Variants in ALPK2 observed in about 807,000 individuals in gnomAD.
ALPK2 encodes the protein alpha kinase 2, also known as alpha-protein kinase 2.
In ALPK2, 127 loss-of-function variants were observed where a neutral mutation model predicts 163.1. That is an observed-to-expected ratio of 0.78 (90% CI 0.67 to 0.90). ALPK2 has a LOEUF of 0.90. Among genes scored for constraint, ALPK2 ranks in the 40% least tolerant of loss-of-function variants. ALPK2 has a pLI of 0.00. For missense variants in ALPK2, 2,360 were observed against 2,589.6 expected (o/e 0.91, Z 1.92); for synonymous variants, 953 against 959.1 (o/e 0.99, Z 0.12).
chr18:58,569,014 G>A (rs1225485294), intron 4 of ALPK2, among the ~76,000 whole-genome samples: 1 of 152,126 alleles, frequency 6.6e-6, no homozygotes. Context: ...AGGAGTTCGA[G>A]ACCATCCTGG....
At chr18:58,520,227 C>T (rs1011318656) in intron 8 of ALPK2, among the ~76,000 whole-genome samples, 4 of 151,498 alleles carry the variant, frequency 2.6e-5, no homozygotes, top group African/African-American at 7.3e-5. Context: ...CAGGAGTTCC[C>T]GACCAGCCTG....
chr18:58,510,904 C>G (rs1362513778), intron 10 of ALPK2, among the ~76,000 whole-genome samples: 1 of 152,140 alleles, frequency 6.6e-6, no homozygotes, highest in East Asian at 1.9e-4. Context: ...TTGCCCTGGC[C>G]AAAACTTCCA....
intron 10 of ALPK2, chr18:58,511,461 C>A: frequency 6.6e-6 from 1 of 152,380 alleles, no homozygotes. Flanking sequence ...CAGGTCCTGC[C>A]CTGCTCACTT....
intron 3 of ALPK2, among the ~76,000 whole-genome samples, chr18:58,606,827 G>C (rs2052100347): frequency 6.6e-6 from 1 of 152,064 alleles, no homozygotes; most frequent in South Asian, 2.1e-4. Flanking sequence ...AGTTCTTGGA[G>C]GAACAAAAAA....
intron 8 of ALPK2, among the ~76,000 whole-genome samples, chr18:58,520,428 CAAAAAAA>C (rs61028795): frequency 4.7e-5 from 3 of 64,386 alleles, no homozygotes; most frequent in African/African-American, 1.6e-4. Context: ...GACTCCGTCT[CAAAAAAA>C]AAAAAAAAAA....
chr18:58,620,404 TA>T (rs2052192315), intron 1 of ALPK2, among the ~76,000 whole-genome samples: 1 of 152,180 alleles, frequency 6.6e-6, no homozygotes, highest in African/African-American at 2.4e-5. Context: ...GACCATACAA[TA>T]AATGGAATTA....
At chr18:58,561,472 C>T (rs547396781) in intron 4 of ALPK2, among the ~76,000 whole-genome samples, 11 of 152,172 alleles carry the variant, frequency 7.2e-5, no homozygotes, top group Admixed American at 5.9e-4. Context: ...TTAAAGATCC[C>T]GCCCCCAAAA....
intron 12 of ALPK2, among the ~76,000 whole-genome samples, chr18:58,491,901 G>C (rs553317730): frequency 2.4e-4 from 36 of 152,370 alleles, no homozygotes; most frequent in Admixed American, 4.6e-4. Flanking sequence ...GGCTTTTTGA[G>C]AATTCACCAT....
intron 1 of ALPK2, among the ~76,000 whole-genome samples, chr18:58,618,711 G>A (rs1439597396): frequency 2.6e-5 from 4 of 152,194 alleles, no homozygotes; most frequent in African/African-American, 4.8e-5. Context: ...CTATAGGAGC[G>A]TTATTTGAAT....
chr18:58,514,205 C>G (rs1051184512), intron 10 of ALPK2, among the ~76,000 whole-genome samples: 9 of 152,190 alleles, frequency 5.9e-5, no homozygotes, highest in Non-Finnish European at 1.2e-4. Context: ...ATACTTTACA[C>G]ATGGTCTTCC....
intron 3 of ALPK2, among the ~76,000 whole-genome samples, chr18:58,594,400 A>G (rs984717118): frequency 6.6e-6 from 1 of 152,206 alleles, no homozygotes; most frequent in African/African-American, 2.4e-5. Flanking sequence ...CCCAGCACCT[A>G]ATAGGTCACC....
chr18:58,550,689 C>T lies in ALPK2; in HGVS notation c.1963-12465G>A, dbSNP rs373147083. ...TGTACAACCCCATCCCCACCTCCATCGTGTACAACCCCATCCCCGCTTCCA... is the reference window on the plus strand; with the variant it reads ...TGTACAACCCCATCCCCACCTCCATTGTGTACAACCCCATCCCCGCTTCCA... On this transcript the variant is annotated intron_variant, in intron 4 of 12. Coordinates refer to ENST00000361673, the MANE Select transcript of ALPK2 (RefSeq NM_052947.4). 4.0e-5 allele frequency among the ~76,000 whole-genome samples: 6 copies of T among 149,746 alleles called. No individual in the cohort carries two copies. In the East Asian group the frequency reaches 8.0e-4, roughly 20 times the overall value.
At chr18:58,508,620 G>A (rs1489115946) in intron 10 of ALPK2, among the ~76,000 whole-genome samples, 2 of 152,216 alleles carry the variant, frequency 1.3e-5, no homozygotes, top group Non-Finnish European at 2.9e-5. Context: ...AAATGCCATG[G>A]CAATGTCAGG....
chr18:58,599,627 G>A (rs930378153), intron 3 of ALPK2, among the ~76,000 whole-genome samples: 2 of 152,168 alleles, frequency 1.3e-5, no homozygotes, highest in Admixed American at 6.5e-5. Flanking sequence ...AGAAATAGCA[G>A]AGGGGAAAAA....
At chr18:58,595,686 G>A (rs1404142562) in intron 3 of ALPK2, among the ~76,000 whole-genome samples, 1 of 152,178 alleles carries the variant, frequency 6.6e-6, no homozygotes, top group African/African-American at 2.4e-5. Flanking sequence ...TTAGGGGTGG[G>A]ATATAAGCAT....
At chr18:58,621,707 G>A (rs2052201336) in intron 1 of ALPK2, among the ~76,000 whole-genome samples, 1 of 152,214 alleles carries the variant, frequency 6.6e-6, no homozygotes, top group East Asian at 1.9e-4. Context: ...AGGCCTAAGT[G>A]TGGGGGGTGG....
intron 12 of ALPK2, among the ~76,000 whole-genome samples, chr18:58,493,894 A>T (rs1055782464): frequency 5.3e-5 from 8 of 152,130 alleles, no homozygotes; most frequent in Non-Finnish European, 1.2e-4. Flanking sequence ...TGCTAATGGT[A>T]CTTTTCTTTG....
chr18:58,592,993 C>T (rs938189568), intron 3 of ALPK2, among the ~76,000 whole-genome samples: 11 of 152,148 alleles, frequency 7.2e-5, no homozygotes, highest in Non-Finnish European at 1.0e-4. Flanking sequence ...TGGAGCGCTT[C>T]GTAAAAATAC....
intron 1 of ALPK2, among the ~76,000 whole-genome samples, chr18:58,628,529 A>T (rs1308895678): frequency 6.6e-6 from 1 of 152,240 alleles, no homozygotes; most frequent in African/African-American, 2.4e-5. Flanking sequence ...AAGCAAATTT[A>T]AAAATAGCAA....
Sources: allele counts gnomAD v4.1 joint callset (sites outside exome capture counted in the v4.1 genomes callset), GRCh38; gene constraint gnomAD v4.1.1; transcripts MANE v1.5; gene names NCBI Gene and HGNC (gene_info 2026-07-23, HGNC 2026-07-21).